The following ACP3 variants were observed in gnomAD, a reference collection of about 807,000 sequenced individuals.
The protein encoded by ACP3 is acid phosphatase 3, also known as prostatic acid phosphatase.
Under a neutral mutation model 45.6 loss-of-function variants are expected in ACP3, and 38 were observed. The ratio of observed to expected loss-of-function variants is 0.83; its 90% CI spans 0.64 to 1.09. The LOEUF is 1.09. Ranked by LOEUF, ACP3 falls within the 50% of genes least tolerant of loss-of-function variation. The pLI, the probability that ACP3 is intolerant of heterozygous loss-of-function variation, is 0.00. For missense variants in ACP3, 466 were observed against 463.2 expected, an observed-to-expected ratio of 1.01 and a Z score of -0.05; for synonymous variants, 162 against 164.7, an observed-to-expected ratio of 0.98 and a Z score of 0.13.
At chr3:132,332,506 C>A in intron 4 of ACP3, 162 bp downstream of exon 4, 1 of 879,644 alleles carries the variant, frequency 1.1e-6, no homozygotes, top group Non-Finnish European at 1.7e-6. Context: ...CATGGAAAAC[C>A]CTAGCTAAGA....
chr3:132,322,377 C>T (rs1206444216), intron 1 of ACP3, among the ~76,000 whole-genome samples: 2 of 152,156 alleles, frequency 1.3e-5, no homozygotes, highest in Admixed American at 6.5e-5. Context: ...CACTCATTTA[C>T]ATTACTCAAT....
At position 132,328,679 on chromosome 3, in the gene ACP3, C is replaced by CAAAAA. The variant is rs553521994; in HGVS notation, c.216+336_216+340dup. On this transcript the variant is annotated intron_variant, in intron 2 of 9. Coordinates refer to ENST00000336375, the MANE Select transcript of ACP3 (RefSeq NM_001099.5). ...GGGCAACAAGAGTAAAACTCTATCT[C>CAAAAA]AAAAAAAAAAAAAAAAAAAAAAAGA... Among the ~76,000 whole-genome samples the CAAAAA allele has an allele frequency of 8.1e-3, 568 of 70,222 alleles. 73 individuals are homozygous for CAAAAA. The East Asian group carries it at 0.23, about 28-fold the overall frequency. The allele number at this position is 70,222 out of a possible 152,430, so 46.1% of individuals were successfully genotyped here. A position where few individuals can be genotyped will look rare whatever the true frequency, so the allele number is the denominator to read the frequency against.
intron 2 of ACP3, among the ~76,000 whole-genome samples, chr3:132,328,679 CAAAAA>C (rs553521994): frequency 1.4e-5 from 1 of 70,256 alleles, no homozygotes. Flanking sequence ...AACTCTATCT[CAAAAA>C]AAAAAAAAAA....
chr3:132,366,406 G>A lies in ACP3; in HGVS notation c.1139-1298G>A, dbSNP rs189312901. Among the ~76,000 whole-genome samples, 13 of 151,748 alleles carry A rather than the reference G, an allele frequency of 8.6e-5. No individual in the cohort carries two copies. The East Asian group carries it at 2.1e-3, about 25-fold the overall frequency. On this transcript the variant is annotated intron_variant, in intron 10 of 10. Transcript: ENST00000351273. The stretch of plus-strand genomic sequence containing the variant: ...AAAAGACGATGGTGGTTCAAAGCAG[G>A]GTGGTGGCAGAGAAGAAAAGAAGTC...
intron 1 of ACP3, among the ~76,000 whole-genome samples, chr3:132,325,595 AAC>A (rs138017217): frequency 2.6e-4 from 38 of 143,612 alleles, no homozygotes; most frequent in East Asian, 4.0e-4. Flanking sequence ...TCTGATACAA[AAC>A]ACACACACAC....
At chr3:132,334,497 T>C (rs1937457066) in intron 4 of ACP3, among the ~76,000 whole-genome samples, 1 of 152,148 alleles carries the variant, frequency 6.6e-6, no homozygotes, top group Non-Finnish European at 1.5e-5. Flanking sequence ...CGGGCAATAA[T>C]TTCAAGTACA....
At chr3:132,360,496 A>C (rs1242302233), downstream of ACP3, among the ~76,000 whole-genome samples, 3 of 152,188 alleles carry the variant, frequency 2.0e-5, no homozygotes, top group East Asian at 5.8e-4. Context: ...CAGTGTTTTT[A>C]GCTAGTGCCA....
At chr3:132,367,487 A>G (rs1308444716) in intron 10 of ACP3, among the ~76,000 whole-genome samples, 2 of 152,144 alleles carry the variant, frequency 1.3e-5, no homozygotes. Context: ...GGGGAGCTGA[A>G]TCTCAAGGGT....
chr3:132,368,269 T>C (rs1938162616), exon 11 of ACP3: 1 of 154,036 alleles, frequency 6.5e-6, no homozygotes, highest in Non-Finnish European at 1.4e-5. Context: ...GACCCAATCA[T>C]AAATTATAAA....
chr3:132,336,454 A>T (rs1937492599), intron 4 of ACP3, among the ~76,000 whole-genome samples: 1 of 152,204 alleles, frequency 6.6e-6, no homozygotes, highest in Non-Finnish European at 1.5e-5. Context: ...AGAAGGGGAT[A>T]TGTTTTGAAA....
At chr3:132,335,441 CTT>C (rs148891923) in intron 4 of ACP3, among the ~76,000 whole-genome samples, 3,794 of 152,214 alleles carry the variant, frequency 0.025, 150 homozygotes, top group African/African-American at 0.085. Flanking sequence ...CAGGAAGCAA[CTT>C]TTAAAATAAA....
At chr3:132,323,326 G>T (rs953732908) in intron 1 of ACP3, among the ~76,000 whole-genome samples, 7 of 152,036 alleles carry the variant, frequency 4.6e-5, no homozygotes, top group Admixed American at 4.6e-4. Context: ...GGCCTTTTTT[G>T]CATATTACTA....
downstream of ACP3, among the ~76,000 whole-genome samples, chr3:132,359,488 A>G (rs1937999171): frequency 6.6e-6 from 1 of 151,896 alleles, no homozygotes; most frequent in African/African-American, 2.4e-5. Flanking sequence ...AGCCTGGGCA[A>G]CAGAGCGAGA....
At chr3:132,330,734 CA>C (rs1193522219) in intron 2 of ACP3, among the ~76,000 whole-genome samples, 1 of 152,174 alleles carries the variant, frequency 6.6e-6, no homozygotes, top group East Asian at 1.9e-4. Context: ...GCCACCGTAA[CA>C]ACCTCCTCTC....
Position 132,331,600 on chromosome 3 carries a change from C to A in ACP3, c.217-47C>A. On this transcript the variant is annotated intron_variant, in intron 2 of 9. Coordinates refer to ENST00000336375, the MANE Select transcript of ACP3 (RefSeq NM_001099.5). ...AACAAATTTTTATGATAGTGTGATT[C>A]ATAGAACTTACTTTCATTAATTTTT... 3 of 1,445,150 alleles carry A rather than the reference C, an allele frequency of 2.1e-6. No homozygotes were observed. The South Asian group carries it at 3.8e-5, about 18-fold the overall frequency. 89.5% of individuals were successfully genotyped at this position (1,445,150 alleles called of 1,614,324 possible). A position where few individuals can be genotyped will look rare whatever the true frequency, so the allele number is the denominator to read the frequency against.
chr3:132,321,930 TC>T (rs1393214403), intron 1 of ACP3, among the ~76,000 whole-genome samples: 2 of 152,192 alleles, frequency 1.3e-5, no homozygotes, highest in Admixed American at 6.5e-5. Flanking sequence ...ATCAAATGCA[TC>T]CGGTGTGCTC....
At chr3:132,322,865 T>G (rs1404063193) in intron 1 of ACP3, among the ~76,000 whole-genome samples, 1 of 152,222 alleles carries the variant, frequency 6.6e-6, no homozygotes, top group African/African-American at 2.4e-5. Context: ...ATTAACAGAT[T>G]AATGGATTAA....
In ACP3 at chr3:132,349,909, T is replaced by A; in HGVS notation, c.782-11T>A. ...TTGGTTCAGTTTGGTTATTGATTCA[T>A]CTTCTTTAAGGTGTCCTGGTCAATG... On this transcript the variant is annotated splice_polypyrimidine_tract_variant and intron_variant, in intron 7 of 9. Transcript: ENST00000336375. 6.3e-7 allele frequency: 1 copy of A among 1,597,178 alleles called. No homozygotes were observed. Among genetic ancestry groups the A allele is most frequent in the Non-Finnish European group, 8.6e-7 (1 of 1,165,506 alleles).
chr3:132,344,965 G>A lies in ACP3; in HGVS notation c.687G>A (p.Glu229=). 6.2e-7 allele frequency: 1 copy of A among 1,613,824 alleles called. No homozygotes were observed. Among genetic ancestry groups the A allele is most frequent in the Non-Finnish European group, 8.5e-7 (1 of 1,179,892 alleles). Residue 229 remains glutamate, a synonymous_variant, in exon 7 of 10, where the codon GAG becomes GAA. Coordinates refer to ENST00000336375, the MANE Select transcript of ACP3 (RefSeq NM_001099.5). ...TCACTTTACCCTCCTGGGCCACTGA[G>A]GACACCATGACTAAGTTGAGAGAAT... ...HNFTLPSWAT[E]DTMTKLRELS...
Sources: allele counts gnomAD v4.1 joint callset (sites outside exome capture counted in the v4.1 genomes callset), GRCh38; gene constraint gnomAD v4.1.1; transcripts MANE v1.5; gene names NCBI Gene and HGNC (gene_info 2026-07-23, HGNC 2026-07-21).